PTPRM: variants seen among roughly 807,000 people sequenced by gnomAD.
PTPRM encodes protein tyrosine phosphatase receptor type M, also known as receptor-type tyrosine-protein phosphatase mu.
A neutral mutation model predicts 186.7 loss-of-function variants in PTPRM; 47 were observed. The observed-to-expected ratio is 0.25, with a 90% CI of 0.20 to 0.32. PTPRM has a LOEUF of 0.32. Ranked by LOEUF, PTPRM falls within the 10% of genes least tolerant of loss-of-function variation. The pLI is 1.00. For synonymous variants in PTPRM, 668 were observed against 674.9 expected (o/e 0.99, Z 0.16); for missense variants, 1,494 against 1,865.0 (o/e 0.80, Z 3.66).
At chr18:7,839,400 A>G (rs2046214380) in intron 2 of PTPRM, among the ~76,000 whole-genome samples, 1 of 152,136 alleles carries the variant, frequency 6.6e-6, no homozygotes. Context: ...CTCAGTCAGC[A>G]GGTGATGAAT....
rs768870084 is a variant in PTPRM at position 7,568,084 on chromosome 18, C to T, written c.73+193C>T. On this transcript the variant is annotated intron_variant, in intron 1 of 32. Transcript: ENST00000580170. The surrounding 1 kb of genome is among the most constrained non-coding windows in gnomAD (Gnocchi z 5.1). ...GCCGTGGGGCTGGCAGGCACCCAGT[C>T]CTCGGGCGGGCGGAGCGGACGGACC... 1.5e-4 allele frequency among the ~76,000 whole-genome samples: 23 copies of T among 151,984 alleles called. No homozygotes were observed. Among genetic ancestry groups the T allele is most frequent in the Middle Eastern group, 6.8e-3 (2 of 292 alleles).
At chr18:7,960,256 G>A (rs2053570447) in intron 7 of PTPRM, among the ~76,000 whole-genome samples, 1 of 151,970 alleles carries the variant, frequency 6.6e-6, no homozygotes, top group South Asian at 2.1e-4. Flanking sequence ...TAATTAAAAT[G>A]TGTCCTTTAG....
chr18:8,335,616 T>C (rs2095434619), intron 22 of PTPRM, among the ~76,000 whole-genome samples: 1 of 152,250 alleles, frequency 6.6e-6, no homozygotes, highest in Admixed American at 6.5e-5. Context: ...GTTTTTTAAC[T>C]GCCTTACAGA....
In PTPRM at chr18:7,614,334, C is replaced by T. The variant is rs1355894468; in HGVS notation, c.73+46443C>T. On this transcript the variant is annotated intron_variant, in intron 1 of 32. Transcript: ENST00000580170. ...TAAAGTACTTCTGGAATGTCAGTTT[C>T]AGAAACTGAAAAAGATGCTAGAAGT... is the stretch of plus-strand genomic sequence containing the variant. Among the ~76,000 whole-genome samples the T allele has an allele frequency of 4.6e-5, 7 of 152,094 alleles. No individual in the cohort carries two copies. In the East Asian group the frequency reaches 1.3e-3, roughly 29 times the overall value.
chr18:8,240,504 A>AGGAAGGAAGGAG (rs2094406713), intron 14 of PTPRM, among the ~76,000 whole-genome samples: 1 of 53,850 alleles, frequency 1.9e-5, no homozygotes, highest in Non-Finnish European at 3.6e-5. Context: ...AGAGAGAGGA[A>AGGAAGGAAGGAG]GGAAGGAAGG....
chr18:8,223,163 A>G (rs531802770), intron 14 of PTPRM, among the ~76,000 whole-genome samples: 9 of 152,248 alleles, frequency 5.9e-5, no homozygotes, highest in African/African-American at 2.2e-4. Context: ...GGTGGAGATT[A>G]CAGTGAGCCA....
At chr18:7,722,113 C>A (rs1568054094) in intron 1 of PTPRM, among the ~76,000 whole-genome samples, 1 of 152,172 alleles carries the variant, frequency 6.6e-6, no homozygotes, top group Non-Finnish European at 1.5e-5. Context: ...ATACATAAAA[C>A]AAGTTTTACT....
chr18:8,222,958 C>T (rs1236948286), intron 14 of PTPRM, among the ~76,000 whole-genome samples: 1 of 152,238 alleles, frequency 6.6e-6, no homozygotes, highest in African/African-American at 2.4e-5. Flanking sequence ...TGTGGTGGCT[C>T]ACACCTATAA....
In PTPRM at chr18:7,778,495, T is replaced by C. The variant is rs973901395; in HGVS notation, c.196+4224T>C. Among the ~76,000 whole-genome samples the C allele has an allele frequency of 2.0e-5, 3 of 152,160 alleles. No individual in the cohort carries two copies. The South Asian group carries it at 6.2e-4, about 32-fold the overall frequency. The stretch of plus-strand genomic sequence containing the variant: ...TTATTTTTTTGAGGCAGAGTTTCGC[T>C]CTTTCACCCAGGCTGGAGTGAAGTG... On this transcript the variant is annotated intron_variant, in intron 2 of 32. Transcript: ENST00000580170.
At chr18:8,141,588 A>T (rs1196219961) in intron 13 of PTPRM, among the ~76,000 whole-genome samples, 1 of 152,206 alleles carries the variant, frequency 6.6e-6, no homozygotes, top group Non-Finnish European at 1.5e-5. Flanking sequence ...TTCACAATGT[A>T]TGCATTACAT....
chr18:8,069,316 A>G (rs1413475101), intron 7 of PTPRM, among the ~76,000 whole-genome samples: 5 of 152,146 alleles, frequency 3.3e-5, no homozygotes, highest in Non-Finnish European at 7.4e-5. Context: ...TAAGTGTCTC[A>G]TGGTTCACCA....
intron 2 of PTPRM, among the ~76,000 whole-genome samples, chr18:7,792,356 T>C (rs1311955198): frequency 6.6e-6 from 1 of 152,154 alleles, no homozygotes; most frequent in African/African-American, 2.4e-5. Context: ...TGGCTTCTCT[T>C]TCCACAGAGG....
intron 21 of PTPRM, among the ~76,000 whole-genome samples, chr18:8,317,936 A>T (rs1601782306): frequency 6.6e-6 from 1 of 152,182 alleles, no homozygotes; most frequent in East Asian, 1.9e-4. Flanking sequence ...GAAATGAGTG[A>T]TGGTCTAAAG....
intron 14 of PTPRM, among the ~76,000 whole-genome samples, chr18:8,206,324 G>A (rs901489818): frequency 6.6e-6 from 1 of 151,216 alleles, no homozygotes; most frequent in Non-Finnish European, 1.5e-5. Flanking sequence ...GCGCCATCTC[G>A]GCTCACTGCA....
chr18:7,875,229 A>G (rs1188741835), intron 2 of PTPRM, among the ~76,000 whole-genome samples: 2 of 152,142 alleles, frequency 1.3e-5, no homozygotes, highest in African/African-American at 2.4e-5. Flanking sequence ...TTTACAAATG[A>G]TAAGTGACAT....
At chr18:7,963,862 T>TG (rs1474635142) in intron 7 of PTPRM, among the ~76,000 whole-genome samples, 29 of 152,198 alleles carry the variant, frequency 1.9e-4, no homozygotes, top group African/African-American at 6.8e-4. Flanking sequence ...AGGCCTTGTC[T>TG]GAGCACCAGC....
At chr18:7,772,424 C>CTTT (rs2042359035) in intron 1 of PTPRM, among the ~76,000 whole-genome samples, 13 of 124,182 alleles carry the variant, frequency 1.0e-4, no homozygotes, top group African/African-American at 1.0e-4. Context: ...TTCTTTCTTT[C>CTTT]TCCCTTCCCC....
At chr18:7,828,910 A>G (rs2045625152) in intron 2 of PTPRM, among the ~76,000 whole-genome samples, 2 of 152,224 alleles carry the variant, frequency 1.3e-5, no homozygotes, top group African/African-American at 4.8e-5. Context: ...ATGGCATTAT[A>G]TAAGTATTGC....
At chr18:8,110,578 G>A (rs1283933369) in intron 11 of PTPRM, among the ~76,000 whole-genome samples, 1 of 152,174 alleles carries the variant, frequency 6.6e-6, no homozygotes, top group Non-Finnish European at 1.5e-5. Context: ...GCTCCTTGCA[G>A]GTTGAGAGAG....
Sources: gnomAD v4.1 joint callset for allele counts (sites outside exome capture counted in the v4.1 genomes callset) on GRCh38, gnomAD v4.1.1 for gene constraint, Gnocchi (gnomAD v3.1) non-coding constraint, MANE v1.5 for transcripts, NCBI Gene and HGNC (gene_info 2026-07-23, HGNC 2026-07-21) for gene names.